The following FBXL4 variants were observed in gnomAD, a reference collection of about 807,000 sequenced individuals.
FBXL4 encodes F-box/LRR-repeat protein 4.
Under a neutral mutation model 58.9 loss-of-function variants are expected in FBXL4, and 40 were observed. The observed-to-expected ratio is 0.68, with a 90% confidence interval of 0.53 to 0.88. The LOEUF (loss-of-function observed/expected upper bound fraction) is 0.88, where lower values mean the gene tolerates loss of function less well. FBXL4 is among the 40% of genes least tolerant of loss of function. The pLI is 0.00. For synonymous variants in FBXL4, 263 were observed against 265.5 expected, an observed-to-expected ratio of 0.99 and a Z score of 0.09; for missense variants, 676 against 734.4, an observed-to-expected ratio of 0.92 and a Z score of 0.92.
chr6:98,915,722 A>G (rs1325624172), intron 5 of FBXL4, among the ~76,000 whole-genome samples: 2 of 152,222 alleles, frequency 1.3e-5, no homozygotes, highest in Non-Finnish European at 2.9e-5. Flanking sequence ...AAACCTTAGA[A>G]GGAAACCTAG....
rs1485403305 is a variant in FBXL4 at position 98,874,329 on chromosome 6, T to C, written c.1815A>G (p.Glu605=). 1.2e-6 allele frequency: 2 copies of C among 1,612,754 alleles called. No homozygotes were observed. Among genetic ancestry groups the C allele is most frequent in the Admixed American group, 1.7e-5 (1 of 59,576 alleles). The stretch of plus-strand genomic sequence containing the variant: ...ACACTTTTGGAAAGCTTGCATTCAG[T>C]TCTAGCACAGCTCTGTTATCAATCT... The part of the protein sequence containing the change: ...CSQIDNRAVL[E]LNASFPKVFI... Residue 605 remains glutamate, a synonymous_variant, in exon 10 of 10, where the codon GAA becomes GAG. Transcript: ENST00000369244.
Position 98,902,258 on chromosome 6 carries a change from A to G in FBXL4, c.1104-2777T>C, listed in dbSNP as rs906879391. Among the ~76,000 whole-genome samples, 9 of 152,290 alleles carry G rather than the reference A, an allele frequency of 5.9e-5. No individual in the cohort carries two copies. In the South Asian group the frequency reaches 6.2e-4, roughly 11 times the overall value. On this transcript the variant is annotated intron_variant, in intron 6 of 9. Coordinates refer to ENST00000369244, the MANE Select transcript of FBXL4 (RefSeq NM_001278716.2). Reference sequence around the variant, plus strand: ...GCTGACCCTCACCGAGTTTTCTAAAACAATATATTCAAGATAATTTTAATC... The same window carrying G: ...GCTGACCCTCACCGAGTTTTCTAAAGCAATATATTCAAGATAATTTTAATC...
chr6:98,947,593 G>C (rs1773672038), intron 1 of FBXL4, among the ~76,000 whole-genome samples: 1 of 152,218 alleles, frequency 6.6e-6, no homozygotes, highest in African/African-American at 2.4e-5. Context: ...CACGTCAGCA[G>C]TTCTCAAGGG....
At chr6:98,906,066 A>G (rs1471713738) in intron 5 of FBXL4, among the ~76,000 whole-genome samples, 1 of 152,090 alleles carries the variant, frequency 6.6e-6, no homozygotes, top group African/African-American at 2.4e-5. Flanking sequence ...GGACAATGAT[A>G]CGTTTTAATA....
At chr6:98,898,400 T>C (rs996461504) in intron 7 of FBXL4, 3 of 985,244 alleles carry the variant, frequency 3.0e-6, no homozygotes, top group Non-Finnish European at 3.6e-6. Context: ...AGTAAGTATG[T>C]GTAAAACCAT....
At position 98,869,876 on chromosome 6, in the gene FBXL4, A is replaced by T. The variant is rs1770448800; in HGVS notation, c.*4402T>A. 6.6e-6 allele frequency: 1 copy of T among 152,204 alleles called. No individual in the cohort carries two copies. Among genetic ancestry groups the T allele is most frequent in the Non-Finnish European group, 1.5e-5 (1 of 68,022 alleles). 9.4% of individuals were successfully genotyped at this position (152,204 alleles called of 1,614,324 possible). ...CTACATTTTGTATTTTTAAGATCTT[A>T]TTTCAAAACAATTTACATTGAGAGT... On this transcript the variant is annotated 3_prime_UTR_variant, in exon 10 of 10. Coordinates refer to ENST00000369244, the MANE Select transcript of FBXL4 (RefSeq NM_001278716.2).
intron 4 of FBXL4, among the ~76,000 whole-genome samples, chr6:98,920,851 C>T (rs1180971890): frequency 6.7e-6 from 1 of 148,252 alleles, no homozygotes; most frequent in Non-Finnish European, 1.5e-5. Context: ...CACACACACA[C>T]ACACATTCTG....
At chr6:98,914,423 A>G (rs1325782856) in intron 5 of FBXL4, among the ~76,000 whole-genome samples, 1 of 152,222 alleles carries the variant, frequency 6.6e-6, no homozygotes, top group Non-Finnish European at 1.5e-5. Context: ...TCCTCAATAA[A>G]ATACTGGCAA....
intron 5 of FBXL4, among the ~76,000 whole-genome samples, chr6:98,915,364 C>T (rs535239630): frequency 4.8e-4 from 73 of 152,314 alleles, no homozygotes; most frequent in Non-Finnish European, 8.5e-4. Flanking sequence ...ATCACCAAGT[C>T]AATCCTAAGC....
intron 6 of FBXL4, among the ~76,000 whole-genome samples, chr6:98,902,696 T>C (rs375357699): frequency 7.3e-5 from 11 of 151,548 alleles, no homozygotes; most frequent in East Asian, 3.9e-4. Flanking sequence ...AGAAAAATGG[T>C]AGGGAAAAAA....
rs112952345 is a variant in FBXL4, at chr6:98,923,679, G to A, written c.512+2798C>T. 1.6e-3 allele frequency among the ~76,000 whole-genome samples: 248 copies of A among 152,182 alleles called. 2 individuals carry two copies. The highest frequency in any genetic ancestry group is 5.5e-3 in the African/African-American group (227 of 41,520). On this transcript the variant is annotated intron_variant, in intron 4 of 9. Transcript: ENST00000369244. ...TCATGGTCCTCTTCTAGGCTGGCCT[G>A]TAAGCTCAAAAAAGAGCCATCTCTG...
chr6:98,922,710 C>T (rs536077006), intron 4 of FBXL4, among the ~76,000 whole-genome samples: 39 of 152,260 alleles, frequency 2.6e-4, no homozygotes, highest in African/African-American at 9.4e-4. Context: ...GGCCAAAAAA[C>T]ATGATTTTGT....
intron 6 of FBXL4, among the ~76,000 whole-genome samples, chr6:98,902,557 AT>A (rs1440255414): frequency 1.3e-5 from 2 of 152,140 alleles, no homozygotes; most frequent in African/African-American, 4.8e-5. Flanking sequence ...AAGTTCTCGA[AT>A]CTAGAACGCA....
At chr6:98,880,274 A>T (rs1041369575) in intron 8 of FBXL4, among the ~76,000 whole-genome samples, 4 of 152,210 alleles carry the variant, frequency 2.6e-5, no homozygotes, top group African/African-American at 9.7e-5. Flanking sequence ...TAGAGAGGTG[A>T]TTAGCTTGTC....
intron 4 of FBXL4, among the ~76,000 whole-genome samples, chr6:98,922,052 C>T (rs1264734217): frequency 6.6e-6 from 1 of 152,118 alleles, no homozygotes; most frequent in African/African-American, 2.4e-5. Context: ...CTCAGCCTCC[C>T]GAATAGCTGG....
intron 6 of FBXL4, among the ~76,000 whole-genome samples, chr6:98,901,684 A>G (rs926829033): frequency 1.3e-5 from 2 of 152,140 alleles, no homozygotes; most frequent in African/African-American, 4.8e-5. Context: ...ACCTTTTCAT[A>G]TCTACATCCC....
At chr6:98,919,714 C>T (rs1297700459) in intron 4 of FBXL4, among the ~76,000 whole-genome samples, 2 of 152,074 alleles carry the variant, frequency 1.3e-5, no homozygotes, top group Non-Finnish European at 2.9e-5. Context: ...CATATAGGTG[C>T]TAGGGAACAG....
chr6:98,905,573 T>G lies in FBXL4; in HGVS notation c.956A>C (p.Gln319Pro), dbSNP rs1198330126. 1.2e-6 allele frequency: 2 copies of G among 1,613,956 alleles called. No homozygotes were observed. The highest frequency in any genetic ancestry group is 1.7e-6 in the Non-Finnish European group (2 of 1,179,958). ...LLSQHCCDPLQYIHLNLQPYW... is the reference protein window; with the variant it reads ...LLSQHCCDPLPYIHLNLQPYW... ...TGGTTGCAGATTGAGGTGGATGTAT[T>G]GCAGAGGATCACAGCAATGCTGGCT... Residue 319 changes from glutamine to proline, a missense_variant, in exon 6 of 10, where the codon CAA becomes CCA. By Grantham distance (76) the Gln-to-Pro change is moderately conservative. Transcript: ENST00000369244.
At chr6:98,897,663 G>A (rs1771454726) in intron 7 of FBXL4, among the ~76,000 whole-genome samples, 1 of 152,158 alleles carries the variant, frequency 6.6e-6, no homozygotes, top group African/African-American at 2.4e-5. Context: ...ATTTCAAGGG[G>A]CATGGCACTG....
Sources: gnomAD v4.1 joint callset for allele counts (sites outside exome capture counted in the v4.1 genomes callset) on GRCh38, gnomAD v4.1.1 for gene constraint, MANE v1.5 for transcripts, NCBI Gene and HGNC (gene_info 2026-07-23, HGNC 2026-07-21) for gene names.